The following SPACA7 variants were observed in gnomAD, a reference collection of about 807,000 sequenced individuals.
SPACA7 encodes the protein sperm acrosome-associated protein 7.
SPACA7 carries 19 observed loss-of-function variants against 26.3 expected under a neutral mutation model. The ratio of observed to expected loss-of-function variants is 0.72; its 90% CI spans 0.50 to 1.06. The LOEUF is 1.06. Ranked by LOEUF, SPACA7 falls within the 50% of genes least tolerant of loss-of-function variation. The pLI is 0.00. For missense variants in SPACA7, 211 were observed against 229.9 expected (o/e 0.92, Z 0.53); for synonymous variants, 84 against 84.5 (o/e 0.99, Z 0.04).
rs917175687 is a variant in SPACA7 at position 112,384,404 on chromosome 13, A to G, written c.94+7925A>G. On this transcript the variant is annotated intron_variant, in intron 1 of 6. Transcript: ENST00000283550. Reference sequence around the variant, plus strand: ...ACATAATTTTGGAACATATATTAATAACACATTTACACAAATATAGCCCAA... The same window carrying G: ...ACATAATTTTGGAACATATATTAATGACACATTTACACAAATATAGCCCAA... Among the ~76,000 whole-genome samples the G allele has an allele frequency of 1.3e-4, 20 of 152,122 alleles. No individual in the cohort carries two copies. The South Asian group carries it at 3.9e-3, about 30-fold the overall frequency.
chr13:112,382,255 T>C, intron 1 of SPACA7: 2 of 563,780 alleles, frequency 3.5e-6, no homozygotes, highest in Non-Finnish European at 3.0e-6. Flanking sequence ...TTTTGTTGTT[T>C]TGTTTTGTTT....
intron 5 of SPACA7, among the ~76,000 whole-genome samples, chr13:112,406,890 C>T (rs976482677): frequency 3.3e-5 from 5 of 152,292 alleles, no homozygotes; most frequent in Admixed American, 2.0e-4. Flanking sequence ...ACAGAACTCT[C>T]CACCCCAAAT....
In SPACA7 at chr13:112,404,830, T is replaced by C. The variant is rs747376438; in HGVS notation, c.445+3666T>C. On this transcript the variant is annotated intron_variant, in intron 5 of 6. Transcript: ENST00000283550. ...TTTGGGTGACTATAGCCTTATAGTA[T>C]AGTTTAAAGTCAGATAATGTGATGC... Among the ~76,000 whole-genome samples, 124 of 152,200 alleles carry C rather than the reference T, an allele frequency of 8.1e-4. 1 individual carries two copies. The highest frequency in any genetic ancestry group is 1.5e-3 in the Non-Finnish European group (100 of 68,040).
rs536341251 is a variant in SPACA7 at position 112,429,939 on chromosome 13, T to C, written c.446-2505T>C. Among the ~76,000 whole-genome samples the C allele has an allele frequency of 1.7e-4, 26 of 152,378 alleles. No individual in the cohort carries two copies. In the South Asian group the frequency reaches 5.4e-3, roughly 32 times the overall value. Reference sequence around the variant, plus strand: ...CAAGCAGCATTTATTCTAAGTCTACTATTCCCCACTACTGAAGCAATGTAA... The same window carrying C: ...CAAGCAGCATTTATTCTAAGTCTACCATTCCCCACTACTGAAGCAATGTAA... On this transcript the variant is annotated intron_variant, in intron 5 of 6. Coordinates refer to ENST00000283550, the MANE Select transcript of SPACA7 (RefSeq NM_145248.5).
At chr13:112,389,089 T>C (rs1030498283) in intron 1 of SPACA7, among the ~76,000 whole-genome samples, 2 of 152,224 alleles carry the variant, frequency 1.3e-5, no homozygotes, top group East Asian at 1.9e-4. Flanking sequence ...TTATGGCTAA[T>C]GTTAGTCTTA....
intron 2 of SPACA7, among the ~76,000 whole-genome samples, chr13:112,396,505 G>A (rs9604314): frequency 0.36 from 55,493 of 152,106 alleles, 12,631 homozygotes; most frequent in African/African-American, 0.62. Flanking sequence ...ATGGGGTAGA[G>A]ACCAGGGACT....
intron 2 of SPACA7, among the ~76,000 whole-genome samples, chr13:112,394,944 C>A (rs1288795025): frequency 6.6e-6 from 1 of 152,236 alleles, no homozygotes; most frequent in Non-Finnish European, 1.5e-5. Context: ...CCCCAGATTT[C>A]TTCTAGGTAG....
chr13:112,433,854 ATT>A (rs1375590957), intron 6 of SPACA7, among the ~76,000 whole-genome samples: 4 of 152,064 alleles, frequency 2.6e-5, no homozygotes, highest in African/African-American at 9.7e-5. Flanking sequence ...AATATCCCAG[ATT>A]GTGCCACTGT....
At chr13:112,409,767 G>C (rs1412935615) in intron 5 of SPACA7, among the ~76,000 whole-genome samples, 1 of 152,192 alleles carries the variant, frequency 6.6e-6, no homozygotes. Context: ...CACTGTTGTT[G>C]GGACTGTAAA....
intron 5 of SPACA7, among the ~76,000 whole-genome samples, chr13:112,415,362 G>A (rs764214238): frequency 2.0e-5 from 3 of 152,196 alleles, no homozygotes; most frequent in Non-Finnish European, 4.4e-5. Context: ...ATGTTTATTC[G>A]AGGCTCACGG....
chr13:112,401,068 G>A lies in SPACA7; in HGVS notation c.350-1G>A. On this transcript the variant is annotated splice_acceptor_variant, in intron 4 of 6. Transcript: ENST00000283550. LOFTEE classifies it high-confidence loss of function. ...CATTTTTTCCATATTTGTCATTAAA[G>A]AAGCCAATGCTAATGCAAATCTCCA... 1 of 1,612,888 alleles carries A rather than the reference G, an allele frequency of 6.2e-7. No individual in the cohort carries two copies. Among genetic ancestry groups the A allele is most frequent in the Non-Finnish European group, 8.5e-7 (1 of 1,178,976 alleles).
intron 5 of SPACA7, among the ~76,000 whole-genome samples, chr13:112,423,938 A>G (rs1199725237): frequency 6.6e-6 from 1 of 152,242 alleles, no homozygotes; most frequent in Admixed American, 6.5e-5. Context: ...CTATCAATGT[A>G]GAATTCCATA....
At chr13:112,412,695 C>G (rs765580354) in intron 5 of SPACA7, among the ~76,000 whole-genome samples, 19 of 152,136 alleles carry the variant, frequency 1.2e-4, no homozygotes, top group Non-Finnish European at 2.6e-4. Flanking sequence ...TTTCCCAGAA[C>G]CATTTATAAA....
At chr13:112,395,735 G>A (rs1395551357) in intron 2 of SPACA7, among the ~76,000 whole-genome samples, 9 of 152,114 alleles carry the variant, frequency 5.9e-5, no homozygotes, top group African/African-American at 1.2e-4. Flanking sequence ...CTCCCAGTGC[G>A]CTGGGATTAC....
chr13:112,401,783 C>A (rs896448689), intron 5 of SPACA7, among the ~76,000 whole-genome samples: 3 of 152,124 alleles, frequency 2.0e-5, no homozygotes, highest in East Asian at 1.9e-4. Flanking sequence ...GTGAGGTGTT[C>A]CTAATTTTAT....
At chr13:112,408,407 T>A (rs1886131028) in intron 5 of SPACA7, among the ~76,000 whole-genome samples, 1 of 152,102 alleles carries the variant, frequency 6.6e-6, no homozygotes, top group African/African-American at 2.4e-5. Context: ...TGTATTTGAT[T>A]AGGAAAAGAG....
chr13:112,383,115 GAAAAGAAAAGAAAGAAA>G (rs1884235688), intron 1 of SPACA7, among the ~76,000 whole-genome samples: 1 of 7,956 alleles, frequency 1.3e-4, no homozygotes, highest in African/African-American at 2.6e-4. Context: ...GAAAAGAAAA[GAAAAGAAAAGAAAGAAA>G]GAAAGAAAGA....
chr13:112,406,471 T>C (rs1378091366), intron 5 of SPACA7, among the ~76,000 whole-genome samples: 1 of 152,194 alleles, frequency 6.6e-6, no homozygotes, highest in African/African-American at 2.4e-5. Flanking sequence ...ACATATCTGA[T>C]AGAGATTAAT....
intron 6 of SPACA7, among the ~76,000 whole-genome samples, chr13:112,433,769 G>C (rs539249104): frequency 6.6e-6 from 1 of 152,150 alleles, no homozygotes; most frequent in African/African-American, 2.4e-5. Context: ...AGGTCTGCTC[G>C]TGCCCCCAGC....
Sources: gnomAD v4.1 joint callset for allele counts (sites outside exome capture counted in the v4.1 genomes callset) on GRCh38, gnomAD v4.1.1 for gene constraint, MANE v1.5 for transcripts, NCBI Gene and HGNC (gene_info 2026-07-23, HGNC 2026-07-21) for gene names.